The following RUFY4 variants were observed in gnomAD, a reference collection of about 807,000 sequenced individuals.
RUFY4 encodes the protein RUN and FYVE domain-containing protein 4.
In RUFY4, 73 loss-of-function variants were observed where a neutral mutation model predicts 69.0. That is an observed-to-expected ratio of 1.06 (90% CI 0.88 to 1.29). RUFY4 has a LOEUF of 1.29. RUFY4 is among the 50% of genes most tolerant of loss of function. The probability of loss-of-function intolerance (pLI) is 0.00; values close to 1 mark genes in which losing one functional copy is unlikely to be tolerated. For synonymous variants in RUFY4, 287 were observed against 271.8 expected, an observed-to-expected ratio of 1.06 and a Z score of -0.55; for missense variants, 770 against 705.6, an observed-to-expected ratio of 1.09 and a Z score of -1.03.
At chr2:218,088,276 C>G (rs972148750) in intron 9 of RUFY4, among the ~76,000 whole-genome samples, 12 of 151,926 alleles carry the variant, frequency 7.9e-5, no homozygotes, top group African/African-American at 2.7e-4. Flanking sequence ...GGGTTCAAGA[C>G]CAGTCTGGGC....
rs935763670 is a variant in RUFY4, at chr2:218,073,022, G to T, written c.386+137G>T. 2.7e-5 allele frequency: 26 copies of T among 956,594 alleles called. No individual in the cohort carries two copies. The African/African-American group carries it at 4.0e-4, about 15-fold the overall frequency. The allele number at this position is 956,594 out of a possible 1,614,324, so 59.3% of individuals were successfully genotyped here. On this transcript the variant is annotated intron_variant, in intron 4 of 10. Transcript: ENST00000344321. ...ATGAGAGTCATGAAGGAAAAATCAA[G>T]GGAGAAAGGGCAGAGGGAGGTTAGA... is the stretch of plus-strand genomic sequence containing the variant.
At chr2:218,087,412 T>G (rs1252825308) in intron 9 of RUFY4, among the ~76,000 whole-genome samples, 2 of 152,006 alleles carry the variant, frequency 1.3e-5, no homozygotes, top group African/African-American at 4.8e-5. Context: ...AGTTAGAAGG[T>G]GGAGGAAAGA....
At chr2:218,045,102 C>T (rs1454066913) in intron 2 of RUFY4, among the ~76,000 whole-genome samples, 1 of 152,172 alleles carries the variant, frequency 6.6e-6, no homozygotes, top group African/African-American at 2.4e-5. Context: ...ACCTGGCCAG[C>T]ATCTGTTGTT....
At chr2:218,070,507 G>A (rs988562894) in exon 1 of RUFY4, 172 of 1,049,750 alleles carry the variant, frequency 1.6e-4, no homozygotes, top group Middle Eastern at 3.9e-4. Context: ...TAGGCTCTGC[G>A]TCCTGCTTTG....
At position 218,075,088 on chromosome 2, in the gene RUFY4, C is replaced by T. The variant is rs1408536993; in HGVS notation, c.601-5C>T. 2.6e-6 allele frequency: 4 copies of T among 1,512,076 alleles called. No homozygotes were observed. Among genetic ancestry groups the T allele is most frequent in the East Asian group, 2.5e-5 (1 of 40,726 alleles). 93.7% of individuals were successfully genotyped at this position (1,512,076 alleles called of 1,614,324 possible). A position where few individuals can be genotyped will look rare whatever the true frequency, so the allele number is the denominator to read the frequency against. ...GGGATGACTGGTTTTGGGTCCTCTC[C>T]ACAGATCCCAGCCGCATATGGAGGG... On this transcript the variant is annotated splice_polypyrimidine_tract_variant and splice_region_variant and intron_variant, in intron 6 of 10. Transcript: ENST00000344321.
In RUFY4 at chr2:218,073,318, C is replaced by T. The variant is rs528005712; in HGVS notation, c.462C>T (p.Leu154=). Residue 154 remains leucine (L), a synonymous_variant, in exon 5 of 11, where the codon CTC becomes CTT. Coordinates refer to ENST00000344321, the Ensembl canonical transcript of RUFY4. ...ACATCCTGGACTCTCTCTATGCTCT[C>T]AATGGGGTGGCCTTCGAGTTGGACC... is the stretch of plus-strand genomic sequence containing the variant. The T allele has an allele frequency of 8.5e-5, 133 of 1,571,008 alleles. No homozygotes were observed. The South Asian group carries it at 1.5e-3, about 18-fold the overall frequency.
At chr2:218,043,547 G>A (rs78698457) in intron 2 of RUFY4, among the ~76,000 whole-genome samples, 1,791 of 152,254 alleles carry the variant, frequency 0.012, 37 homozygotes, top group African/African-American at 0.041. Flanking sequence ...TCTCAGCACA[G>A]ATGAGGCCCC....
At chr2:218,082,052 AG>A (rs1306725259) in intron 8 of RUFY4, among the ~76,000 whole-genome samples, 3 of 152,198 alleles carry the variant, frequency 2.0e-5, no homozygotes, top group Non-Finnish European at 2.9e-5. Context: ...CAGCTGAGCC[AG>A]GGGCCTCCCA....
At position 218,089,262 on chromosome 2, in the gene RUFY4, C is replaced by T. The variant is rs760520417; in HGVS notation, c.1513C>T (p.Arg505Cys). The stretch of plus-strand genomic sequence containing the variant: ...TCATCCCCCCATCAGAGAGAAGGAC[C>T]GCCTGTGGCAGAGGCTCCAGCATCT... The change falls in exon 10 of 11, where the codon CGC (arginine) becomes TGC (cysteine). Residue 505 changes from arginine (R) to cysteine (C), a missense_variant. By Grantham distance (180) the Arg-to-Cys change is radical (BLOSUM62 -3). Transcript: ENST00000344321. 1.4e-5 allele frequency: 23 copies of T among 1,613,520 alleles called. No individual in the cohort carries two copies. Among genetic ancestry groups the T allele is most frequent in the East Asian group, 8.9e-5 (4 of 44,872 alleles).
intron 2 of RUFY4, among the ~76,000 whole-genome samples, chr2:218,057,761 C>T (rs957950791): frequency 2.0e-5 from 3 of 152,206 alleles, no homozygotes; most frequent in African/African-American, 4.8e-5. Flanking sequence ...TTTCAGGAAA[C>T]ATTTTAGGCA....
intron 2 of RUFY4, among the ~76,000 whole-genome samples, chr2:218,042,396 C>T (rs927218249): frequency 6.6e-6 from 1 of 152,150 alleles, no homozygotes; most frequent in African/African-American, 2.4e-5. Flanking sequence ...AAGTTACAAG[C>T]TTGAAGAGAA....
At chr2:218,076,508 C>A in exon 8 of RUFY4, 1 of 1,550,906 alleles carries the variant, frequency 6.4e-7, no homozygotes, top group Non-Finnish European at 8.7e-7. Context: ...GGGGGAGCTG[C>A]AGGCACTTCG....
At chr2:218,071,450 G>C (rs1205275574) in intron 2 of RUFY4, among the ~76,000 whole-genome samples, 1 of 151,908 alleles carries the variant, frequency 6.6e-6, no homozygotes, top group African/African-American at 2.4e-5. Context: ...CCTCTACTTA[G>C]AATGCTCTTC....
intron 3 of RUFY4, chr2:218,060,831 T>G: frequency 1.9e-6 from 3 of 1,573,802 alleles, no homozygotes; most frequent in Non-Finnish European, 2.6e-6. Flanking sequence ...CATGTCCTCA[T>G]AGCAGACTGG....
At chr2:218,071,132 A>C (rs1689476245) in intron 2 of RUFY4, among the ~76,000 whole-genome samples, 1 of 152,216 alleles carries the variant, frequency 6.6e-6, no homozygotes, top group Non-Finnish European at 1.5e-5. Flanking sequence ...AGAGGCATTG[A>C]TGTCCTAGGA....
exon 11 of RUFY4, chr2:218,090,123 C>A: frequency 1.1e-6 from 1 of 933,182 alleles, no homozygotes; most frequent in South Asian, 1.4e-5. Context: ...CACTCCCTGC[C>A]CGTAGCTCTT....
chr2:218,070,751 AGCTGC>A lies in RUFY4; in HGVS notation c.47-1_50del. The A allele has an allele frequency of 6.5e-7, 1 of 1,536,886 alleles. No homozygotes were observed. On this transcript the variant is annotated splice_acceptor_variant and coding_sequence_variant, in exon 2 of 11. Transcript: ENST00000344321. LOFTEE classifies it high-confidence loss of function. The stretch of plus-strand genomic sequence containing the variant: ...ACCTGACATCTGCCATCCTCCCAGC[AGCTGC>A]CGTCTCTGCCATCCTCCAGGGCTAT...
chr2:218,062,329 C>A (rs1303306102), intron 3 of RUFY4, among the ~76,000 whole-genome samples: 1 of 150,886 alleles, frequency 6.6e-6, no homozygotes, highest in Non-Finnish European at 1.5e-5. Flanking sequence ...TGGCGTGAAC[C>A]CAGGAGGCGG....
chr2:218,075,561 G>A, exon 7 of RUFY4: 8 of 1,533,060 alleles, frequency 5.2e-6, no homozygotes, highest in Non-Finnish European at 6.1e-6. Flanking sequence ...TGTAGAGGGA[G>A]CAGTATCAGG....
Sources: allele counts gnomAD v4.1 joint callset (sites outside exome capture counted in the v4.1 genomes callset), GRCh38; gene constraint gnomAD v4.1.1; transcripts MANE v1.5; gene names NCBI Gene and HGNC (gene_info 2026-07-23, HGNC 2026-07-21).